The following CARM1 variants were observed in gnomAD, a reference collection of about 807,000 sequenced individuals.
CARM1 encodes histone-arginine methyltransferase CARM1.
CARM1 carries 14 observed loss-of-function variants against 72.7 expected under a neutral mutation model. The observed-to-expected ratio is 0.19, with a 90% CI of 0.13 to 0.30. The LOEUF (loss-of-function observed/expected upper bound fraction) is 0.30. Ranked by LOEUF, CARM1 falls within the 10% of genes least tolerant of loss-of-function variation. CARM1 has a pLI of 1.00. For synonymous variants in CARM1, 333 were observed against 345.5 expected, an observed-to-expected ratio of 0.96 and a Z score of 0.40; for missense variants, 432 against 833.7, an observed-to-expected ratio of 0.52 and a Z score of 5.93.
In CARM1 at chr19:10,909,203, A is replaced by G; in HGVS notation, c.554A>G (p.Asp185Gly). ...CTGCAAAACCACACCGACTTCAAGG[A>G]CAAGGTGAGTGGCCCGCGCATGTGC... ...AILQNHTDFK[D>G]KIVLDVGCGS... The change falls in exon 4 of 16, where the codon GAC (aspartate) becomes GGC (glycine). Residue 185 changes from aspartate to glycine, a missense_variant. Coordinates refer to ENST00000327064, the MANE Select transcript of CARM1 (RefSeq NM_199141.2). The G allele has an allele frequency of 6.2e-7, 1 of 1,609,858 alleles. No individual in the cohort carries two copies. The highest frequency in any genetic ancestry group is 8.5e-7 in the Non-Finnish European group (1 of 1,177,074).
At chr19:10,885,553 G>T (rs996694550) in intron 1 of CARM1, among the ~76,000 whole-genome samples, 1 of 152,232 alleles carries the variant, frequency 6.6e-6, no homozygotes, top group Non-Finnish European at 1.5e-5. Flanking sequence ...TCTCGTGAAA[G>T]AGGGATGCTC....
rs1258154168 is a variant in CARM1, at chr19:10,922,726, A to T, written c.*969A>T. ...TGCAGGGACCTCTCCCTCCAAAAAAAGAAAAAAAGAAAAAGAAAGAAAAAA... is the reference window on the plus strand; with the variant it reads ...TGCAGGGACCTCTCCCTCCAAAAAATGAAAAAAAGAAAAAGAAAGAAAAAA... On this transcript the variant is annotated 3_prime_UTR_variant, in exon 16 of 16. Coordinates refer to ENST00000327064, the MANE Select transcript of CARM1 (RefSeq NM_199141.2). The T allele has an allele frequency of 1.3e-5, 2 of 152,440 alleles. No homozygotes were observed. The highest frequency in any genetic ancestry group is 6.5e-5 in the Admixed American group (1 of 15,284). 9.4% of individuals were successfully genotyped at this position (152,440 alleles called of 1,614,324 possible).
chr19:10,890,795 ATTTTTTTTT>A lies in CARM1; in HGVS notation c.221-14139_221-14131del, dbSNP rs67421012. On this transcript the variant is annotated intron_variant, in intron 1 of 15. Transcript: ENST00000327064. ...CACACATATATATATATATATATAT[ATTTTTTTTT>A]TTTTTTTTTTTTTTTTCTTGGTATA... 1.3e-4 allele frequency among the ~76,000 whole-genome samples: 6 copies of A among 47,466 alleles called. No homozygotes were observed. In the East Asian group the frequency reaches 3.1e-3, roughly 24 times the overall value. 31.1% of individuals were successfully genotyped at this position (47,466 alleles called of 152,430 possible).
intron 4 of CARM1, 147 bp downstream of exon 4, chr19:10,909,354 C>A (rs1599704550): frequency 1.7e-6 from 1 of 576,944 alleles, no homozygotes; most frequent in Non-Finnish European, 3.1e-6. Flanking sequence ...TCGCTTCAGT[C>A]CATGAGTTTG....
chr19:10,888,328 A>T (rs754580620), intron 1 of CARM1, among the ~76,000 whole-genome samples: 1 of 152,100 alleles, frequency 6.6e-6, no homozygotes, highest in Non-Finnish European at 1.5e-5. Context: ...GGCTCTCTGG[A>T]GGCTGGGATG....
At chr19:10,908,811 G>T in intron 3 of CARM1, 1 of 307,612 alleles carries the variant, frequency 3.3e-6, no homozygotes. Context: ...GGCCCCCGAT[G>T]CCAGAACCCT....
chr19:10,893,506 T>C (rs551865293), intron 1 of CARM1, among the ~76,000 whole-genome samples: 3 of 152,022 alleles, frequency 2.0e-5, no homozygotes, highest in Non-Finnish European at 4.4e-5. Flanking sequence ...GCCCGGCTAA[T>C]TTTTTTTATT....
At position 10,912,657 on chromosome 19, in the gene CARM1, A is replaced by C. The variant is rs1162909438; in HGVS notation, c.669+363A>C. Among the ~76,000 whole-genome samples, 1 of 151,940 alleles carries C rather than the reference A, an allele frequency of 6.6e-6. No individual in the cohort carries two copies. The highest frequency in any genetic ancestry group is 1.5e-5 in the Non-Finnish European group (1 of 67,970). ...CATGAGAGAGGAGCTACGGCCACAA[A>C]GTCTGAGCAGAGCTATTCCGTGAGC... On this transcript the variant is annotated intron_variant, in intron 5 of 15. Transcript: ENST00000327064. This position sits in a 1 kb window ranked among gnomAD's most constrained non-coding sequence, Gnocchi z 4.5.
At chr19:10,885,105 A>G (rs1047238949) in intron 1 of CARM1, among the ~76,000 whole-genome samples, 2 of 152,078 alleles carry the variant, frequency 1.3e-5, no homozygotes, top group African/African-American at 4.8e-5. Context: ...TGTCACCACC[A>G]CCCAAAGCCA....
Position 10,920,807 on chromosome 19 carries a change from CT to C in CARM1, c.1425-26del, listed in dbSNP as rs753669051. The C allele has an allele frequency of 2.9e-5, 46 of 1,613,646 alleles. No homozygotes were observed. Among genetic ancestry groups the C allele is most frequent in the Non-Finnish European group, 3.5e-5 (41 of 1,179,634 alleles). On this transcript the variant is annotated intron_variant, in intron 12 of 15. Coordinates refer to ENST00000327064, the MANE Select transcript of CARM1 (RefSeq NM_199141.2). This position sits in a 1 kb window ranked among gnomAD's most constrained non-coding sequence, Gnocchi z 5.3. ...CCCCGGCCCTGCAACCCCCTTGCCCCTGCCCATGGCTCTGTCTCTGCCATAG... is the reference window on the plus strand; with the variant it reads ...CCCCGGCCCTGCAACCCCCTTGCCCCGCCCATGGCTCTGTCTCTGCCATAG...
At chr19:10,918,614 G>T (rs773585513) in intron 8 of CARM1, among the ~76,000 whole-genome samples, 8 of 152,108 alleles carry the variant, frequency 5.3e-5, no homozygotes, top group African/African-American at 1.9e-4. Context: ...TTTCACAAGC[G>T]CACTGAGTGT....
chr19:10,908,150 G>T lies in CARM1; in HGVS notation c.453+5G>T. 1 of 1,601,402 alleles carries T rather than the reference G, an allele frequency of 6.2e-7. No individual in the cohort carries two copies. Among genetic ancestry groups the T allele is most frequent in the Non-Finnish European group, 8.6e-7 (1 of 1,168,608 alleles). On this transcript the variant is annotated splice_donor_5th_base_variant and intron_variant, in intron 3 of 15. Transcript: ENST00000327064. ...TCTGCCGTGCAGTACTTCCAGGTGGGTTGTACTCCCCCTCAGCCAGGCCGC... is the reference window on the plus strand; with the variant it reads ...TCTGCCGTGCAGTACTTCCAGGTGGTTTGTACTCCCCCTCAGCCAGGCCGC...
In CARM1 at chr19:10,912,509, C is replaced by T. The variant is rs908529371; in HGVS notation, c.669+215C>T. Among the ~76,000 whole-genome samples, 1 of 151,822 alleles carries T rather than the reference C, an allele frequency of 6.6e-6. No individual in the cohort carries two copies. Among genetic ancestry groups the T allele is most frequent in the African/African-American group, 2.4e-5 (1 of 41,342 alleles). Reference sequence around the variant, plus strand: ...CGGTAGTCAGGGCCACATGTCATTTCCCTGTTTTCTTTTTTTTTTTTTTGC... The same window carrying T: ...CGGTAGTCAGGGCCACATGTCATTTTCCTGTTTTCTTTTTTTTTTTTTTGC... On this transcript the variant is annotated intron_variant, in intron 5 of 15. Transcript: ENST00000327064. This position sits in a 1 kb window ranked among gnomAD's most constrained non-coding sequence, Gnocchi z 4.5.
chr19:10,897,171 GC>G (rs1377148665), intron 1 of CARM1, among the ~76,000 whole-genome samples: 1 of 152,200 alleles, frequency 6.6e-6, no homozygotes, highest in Non-Finnish European at 1.5e-5. Flanking sequence ...GGATGCTGGT[GC>G]CAGTCACCTC....
At chr19:10,873,149 C>A (rs533394273) in intron 1 of CARM1, among the ~76,000 whole-genome samples, 21 of 152,158 alleles carry the variant, frequency 1.4e-4, no homozygotes, top group African/African-American at 5.1e-4. Context: ...CTCAACAGAA[C>A]CCCAGATCAT....
At chr19:10,874,563 A>C (rs1258377690) in intron 1 of CARM1, among the ~76,000 whole-genome samples, 1 of 150,430 alleles carries the variant, frequency 6.6e-6, no homozygotes, top group Non-Finnish European at 1.5e-5. Flanking sequence ...CTAATCTTTC[A>C]TATTTTTTGT....
rs945492455 is a variant in CARM1, at chr19:10,915,397, G to A, written c.848-1010G>A. On this transcript the variant is annotated intron_variant, in intron 6 of 15. Coordinates refer to ENST00000327064, the MANE Select transcript of CARM1 (RefSeq NM_199141.2). This position sits in a 1 kb window ranked among gnomAD's most constrained non-coding sequence, Gnocchi z 4.6. ...CGTCCCAGCAGCCAGCTTGCAGGGA[G>A]GGGGGAGGCCAGGCCTGTGCAAGGA... 3.9e-5 allele frequency among the ~76,000 whole-genome samples: 6 copies of A among 152,060 alleles called. No homozygotes were observed. The highest frequency in any genetic ancestry group is 2.1e-4 in the South Asian group (1 of 4,822).
intron 1 of CARM1, among the ~76,000 whole-genome samples, chr19:10,891,897 A>C (rs967981820): frequency 3.9e-5 from 6 of 152,188 alleles, no homozygotes; most frequent in African/African-American, 1.4e-4. Flanking sequence ...CGTTCACACA[A>C]TGGCAAAGGA....
In CARM1 at chr19:10,877,397, T is replaced by C. The variant is rs993167009; in HGVS notation, c.220+5475T>C. ...ATATAAATTAGGCCTATGGGCCACA[T>C]TGAGCCTGTGGCCTATTTTTATCTG... is the stretch of plus-strand genomic sequence containing the variant. On this transcript the variant is annotated intron_variant, in intron 1 of 15. Coordinates refer to ENST00000327064, the MANE Select transcript of CARM1 (RefSeq NM_199141.2). Among the ~76,000 whole-genome samples the C allele has an allele frequency of 4.6e-5, 7 of 152,174 alleles. No individual in the cohort carries two copies. In the South Asian group the frequency reaches 8.3e-4, roughly 18 times the overall value.
Sources: allele counts gnomAD v4.1 joint callset (sites outside exome capture counted in the v4.1 genomes callset), GRCh38; gene constraint gnomAD v4.1.1; non-coding constraint Gnocchi (gnomAD v3.1); transcripts MANE v1.5; gene names NCBI Gene and HGNC (gene_info 2026-07-23, HGNC 2026-07-21).